Variants in COL21A1 observed in about 807,000 individuals in gnomAD.
COL21A1 encodes the protein collagen type XXI alpha 1 chain.
A neutral mutation model predicts 137.9 loss-of-function variants in COL21A1; 149 were observed. That is an observed-to-expected ratio of 1.08 (90% confidence interval 0.95 to 1.24). COL21A1 has a LOEUF of 1.24. COL21A1 is among the 50% of genes most tolerant of loss of function. The probability of loss-of-function intolerance (pLI) is 0.00; values close to 1 mark genes in which losing one functional copy is unlikely to be tolerated. For missense variants in COL21A1, 1,167 were observed against 1,158.4 expected (o/e 1.01, Z -0.11); for synonymous variants, 456 against 391.5 (o/e 1.16, Z -1.95).
intron 1 of COL21A1, among the ~76,000 whole-genome samples, chr6:56,221,755 T>C (rs1780842105): frequency 6.6e-6 from 1 of 152,134 alleles, no homozygotes; most frequent in African/African-American, 2.4e-5. Context: ...CTTGAATTTA[T>C]TGGATATTCT....
At chr6:56,087,231 T>C (rs1768353420) in intron 17 of COL21A1, among the ~76,000 whole-genome samples, 1 of 152,200 alleles carries the variant, frequency 6.6e-6, no homozygotes, top group South Asian at 2.1e-4. Context: ...GCTTTTTCTG[T>C]AACAATGACA....
intron 1 of COL21A1, among the ~76,000 whole-genome samples, chr6:56,200,689 C>A (rs4609034): frequency 0.65 from 98,115 of 151,584 alleles, 32,172 homozygotes; most frequent in East Asian, 0.86. Context: ...ACATTTTCTT[C>A]ATCCAGTATA....
intron 1 of COL21A1, among the ~76,000 whole-genome samples, chr6:56,184,810 C>T (rs938354759): frequency 1.3e-5 from 2 of 152,098 alleles, no homozygotes; most frequent in African/African-American, 4.8e-5. Flanking sequence ...AAAAATGTAA[C>T]TTATTAATAG....
chr6:56,150,186 C>A (rs937153931), intron 10 of COL21A1, among the ~76,000 whole-genome samples: 2 of 152,120 alleles, frequency 1.3e-5, no homozygotes, highest in African/African-American at 4.8e-5. Context: ...GAAGGCTGCC[C>A]CTGTCTGCAC....
At chr6:56,306,890 G>A (rs1366048218) in intron 1 of COL21A1, among the ~76,000 whole-genome samples, 5 of 152,126 alleles carry the variant, frequency 3.3e-5, no homozygotes, top group Non-Finnish European at 5.9e-5. Context: ...GTGACGTACA[G>A]ATGGGGTTTT....
At chr6:56,295,210 T>G (rs1764136201) in intron 1 of COL21A1, among the ~76,000 whole-genome samples, 1 of 152,066 alleles carries the variant, frequency 6.6e-6, no homozygotes, top group African/African-American at 2.4e-5. Context: ...GATTGGGTTT[T>G]TTTCTATTGA....
At chr6:56,163,062 T>C (rs974696411) in intron 9 of COL21A1, among the ~76,000 whole-genome samples, 15 of 152,276 alleles carry the variant, frequency 9.9e-5, no homozygotes, top group African/African-American at 3.4e-4. Flanking sequence ...TGGTTAGGCC[T>C]GAAAATGAAT....
At chr6:56,392,426 T>C (rs1410662219) in intron 1 of COL21A1, among the ~76,000 whole-genome samples, 2 of 152,126 alleles carry the variant, frequency 1.3e-5, no homozygotes, top group Admixed American at 1.3e-4. Flanking sequence ...TTCTCTAAGA[T>C]CTGGAACAAG....
chr6:56,320,285 G>T (rs1434415905), intron 1 of COL21A1, among the ~76,000 whole-genome samples: 1 of 151,888 alleles, frequency 6.6e-6, no homozygotes, highest in Non-Finnish European at 1.5e-5. Flanking sequence ...CTAAAACTTG[G>T]TATCTTTACC....
At chr6:56,393,518 A>G (rs900885901) in intron 1 of COL21A1, among the ~76,000 whole-genome samples, 7 of 152,072 alleles carry the variant, frequency 4.6e-5, no homozygotes, top group African/African-American at 1.7e-4. Context: ...TAAGCTCAAA[A>G]TCTTCTGCAC....
rs988472537 is a variant in COL21A1 at position 56,068,948 on chromosome 6, A to G, written c.2091+98T>C. 9.7e-5 allele frequency: 73 copies of G among 749,416 alleles called. 1 individual carries two copies. The South Asian group carries it at 1.0e-3, about 10-fold the overall frequency. The allele number at this position is 749,416 out of a possible 1,614,324, so 46.4% of individuals were successfully genotyped here. On this transcript the variant is annotated intron_variant, in intron 22 of 29. Coordinates refer to ENST00000244728, the MANE Select transcript of COL21A1 (RefSeq NM_030820.4). ...TATAGGGTACTTTATCATTAAAAAT[A>G]TATTAATAACAAGTCCTACTTTAAG...
At chr6:56,250,670 A>G (rs922966849), upstream of COL21A1, among the ~76,000 whole-genome samples, 2 of 152,198 alleles carry the variant, frequency 1.3e-5, no homozygotes, top group African/African-American at 2.4e-5. Flanking sequence ...TCAGACTTCT[A>G]GCCCATAGAA....
intron 16 of COL21A1, among the ~76,000 whole-genome samples, chr6:56,122,651 A>G (rs1772655336): frequency 6.6e-6 from 1 of 152,250 alleles, no homozygotes; most frequent in Non-Finnish European, 1.5e-5. Context: ...TATAGCTGCT[A>G]GAAAACAGTG....
At chr6:56,166,812 T>C (rs1776617200) in intron 7 of COL21A1, 94 bp downstream of exon 7, 1 of 912,528 alleles carries the variant, frequency 1.1e-6, no homozygotes, top group African/African-American at 1.7e-5. Context: ...TAAGTCTACA[T>C]ATTAAATTAA....
intron 20 of COL21A1, 122 bp from the exon 21 acceptor site, chr6:56,070,920 G>C (rs962299051): frequency 1.3e-6 from 1 of 776,922 alleles, no homozygotes; most frequent in African/African-American, 1.8e-5. Flanking sequence ...CCGATTGTTT[G>C]ATAGACTCTG....
upstream of COL21A1, among the ~76,000 whole-genome samples, chr6:56,250,298 G>A (rs1208163647): frequency 1.3e-5 from 2 of 152,250 alleles, no homozygotes; most frequent in African/African-American, 4.8e-5. Flanking sequence ...AAGAGAGACT[G>A]TATGGATGGG....
At chr6:56,241,613 A>G (rs1445512337) in intron 1 of COL21A1, among the ~76,000 whole-genome samples, 1 of 141,628 alleles carries the variant, frequency 7.1e-6, no homozygotes, top group East Asian at 1.9e-4. Flanking sequence ...GAAACGGTGG[A>G]GAGCAGCCTG....
chr6:56,102,658 C>A (rs1005705644), intron 16 of COL21A1, among the ~76,000 whole-genome samples: 4 of 152,050 alleles, frequency 2.6e-5, no homozygotes, highest in Non-Finnish European at 5.9e-5. Flanking sequence ...GAAAATAAAG[C>A]ACAGAAGCAC....
At chr6:56,288,595 G>A (rs568219546) in intron 1 of COL21A1, among the ~76,000 whole-genome samples, 1 of 152,316 alleles carries the variant, frequency 6.6e-6, no homozygotes, top group African/African-American at 2.4e-5. Context: ...GCCAGTGAAA[G>A]AGCAGAAAGA....
Sources: gnomAD v4.1 joint callset for allele counts (sites outside exome capture counted in the v4.1 genomes callset) on GRCh38, gnomAD v4.1.1 for gene constraint, MANE v1.5 for transcripts, NCBI Gene and HGNC (gene_info 2026-07-23, HGNC 2026-07-21) for gene names.